The following VIPR2 variants were observed in gnomAD, a reference collection of about 807,000 sequenced individuals.
The protein encoded by VIPR2 is vasoactive intestinal peptide receptor 2.
VIPR2 carries 48 observed loss-of-function variants against 58.0 expected under a neutral mutation model. The observed-to-expected ratio is 0.83, with a 90% CI of 0.66 to 1.05. The LOEUF (loss-of-function observed/expected upper bound fraction) is 1.05. Ranked by LOEUF, VIPR2 falls within the 50% of genes least tolerant of loss-of-function variation. The pLI is 0.00. For synonymous variants in VIPR2, 243 were observed against 235.2 expected, an observed-to-expected ratio of 1.03 and a Z score of -0.30; for missense variants, 534 against 558.0, an observed-to-expected ratio of 0.96 and a Z score of 0.43.
In VIPR2 at chr7:159,097,068, C is replaced by G; in HGVS notation, c.357+6689G>C. 6.5e-7 allele frequency: 1 copy of G among 1,544,386 alleles called. No individual in the cohort carries two copies. Among genetic ancestry groups the G allele is most frequent in the African/African-American group, 1.4e-5 (1 of 73,048 alleles). On this transcript the variant is annotated intron_variant, in intron 4 of 12. Transcript: ENST00000262178. The surrounding 1 kb of genome is among the most constrained non-coding windows in gnomAD (Gnocchi z 5.3). Reference sequence around the variant, plus strand: ...TCTCTGGCAGGCTCCTCCTGGCACCCTGGGAGGCTGGTGTGTCCTTGCAGG... The same window carrying G: ...TCTCTGGCAGGCTCCTCCTGGCACCGTGGGAGGCTGGTGTGTCCTTGCAGG...
chr7:159,124,705 A>G (rs903779833), intron 2 of VIPR2, among the ~76,000 whole-genome samples: 3 of 152,214 alleles, frequency 2.0e-5, no homozygotes, highest in Admixed American at 6.5e-5. Flanking sequence ...TTTGATAGGA[A>G]TAGCATTGAA....
intron 4 of VIPR2, among the ~76,000 whole-genome samples, chr7:159,063,742 C>A (rs796811310): frequency 4.8e-5 from 2 of 41,276 alleles, no homozygotes; most frequent in African/African-American, 9.2e-5. Flanking sequence ...GAGGGCCTGG[C>A]GGGATCTGGG....
At position 159,096,713 on chromosome 7, in the gene VIPR2, C is replaced by T. The variant is rs1490910035; in HGVS notation, c.357+7044G>A. On this transcript the variant is annotated intron_variant, in intron 4 of 12. Coordinates refer to ENST00000262178, the MANE Select transcript of VIPR2 (RefSeq NM_003382.5). The surrounding 1 kb of genome is among the most constrained non-coding windows in gnomAD (Gnocchi z 5.5). Reference sequence around the variant, plus strand: ...AAACAGCAGAAAAGTGCTCATAATCCTGTCTGGTTGTGCCAGGTGACAGCT... The same window carrying T: ...AAACAGCAGAAAAGTGCTCATAATCTTGTCTGGTTGTGCCAGGTGACAGCT... 2.4e-5 allele frequency: 33 copies of T among 1,350,962 alleles called. No individual in the cohort carries two copies. The highest frequency in any genetic ancestry group is 5.4e-4 in the Middle Eastern group (2 of 3,678). 83.7% of individuals were successfully genotyped at this position (1,350,962 alleles called of 1,614,324 possible).
At chr7:159,036,609 T>C in intron 7 of VIPR2, 143 bp downstream of exon 7, 5 of 1,089,356 alleles carry the variant, frequency 4.6e-6, no homozygotes, top group Non-Finnish European at 6.4e-6. Flanking sequence ...GAGCCTCCAG[T>C]CATCCTGGAA....
At chr7:159,049,420 G>A (rs1471942507) in intron 5 of VIPR2, among the ~76,000 whole-genome samples, 1 of 152,186 alleles carries the variant, frequency 6.6e-6, no homozygotes, top group African/African-American at 2.4e-5. Flanking sequence ...GCACTGTGGG[G>A]AGCGCCTGGG....
At chr7:159,088,835 A>C (rs1857325851) in intron 4 of VIPR2, among the ~76,000 whole-genome samples, 3 of 145,632 alleles carry the variant, frequency 2.1e-5, no homozygotes, top group Non-Finnish European at 4.6e-5. Context: ...CATCTGGGGA[A>C]TGGGAATAGC....
rs545493259 is a variant in VIPR2 at position 159,097,032 on chromosome 7, C to T, written c.357+6725G>A. The T allele has an allele frequency of 2.1e-5, 32 of 1,550,074 alleles. No homozygotes were observed. Among genetic ancestry groups the T allele is most frequent in the East Asian group, 1.2e-4 (5 of 40,916 alleles). ...CTCTCAGAGGTGATTTGGGGCAGGC[C>T]GCTCTGGGGGTCTCTGGCAGGCTCC... is the stretch of plus-strand genomic sequence containing the variant. On this transcript the variant is annotated intron_variant, in intron 4 of 12. Transcript: ENST00000262178. The surrounding 1 kb of genome is among the most constrained non-coding windows in gnomAD (Gnocchi z 5.3).
intron 1 of VIPR2, chr7:159,144,385 G>C (rs1417734172): frequency 6.5e-7 from 1 of 1,543,664 alleles, no homozygotes; most frequent in Admixed American, 2.0e-5. Flanking sequence ...GCAGGCGCCC[G>C]CAGCTCCCAG....
intron 2 of VIPR2, among the ~76,000 whole-genome samples, chr7:159,120,869 G>T (rs1796428441): frequency 6.6e-6 from 1 of 152,118 alleles, no homozygotes; most frequent in South Asian, 2.1e-4. Context: ...CTAGTCTAAG[G>T]TATGATTTGG....
In VIPR2 at chr7:159,098,413, C is replaced by T. The variant is rs1225674524; in HGVS notation, c.357+5344G>A. Reference sequence around the variant, plus strand: ...ATGAAACCCTTTACTCAGTGAAGACCTAAGACTCCCCCAGGCCTGAAAGCT... The same window carrying T: ...ATGAAACCCTTTACTCAGTGAAGACTTAAGACTCCCCCAGGCCTGAAAGCT... On this transcript the variant is annotated intron_variant, in intron 4 of 12. Transcript: ENST00000262178. This position sits in a 1 kb window ranked among gnomAD's most constrained non-coding sequence, Gnocchi z 5.2. Among the ~76,000 whole-genome samples the T allele has an allele frequency of 6.6e-6, 1 of 152,184 alleles. No individual in the cohort carries two copies. The highest frequency in any genetic ancestry group is 6.5e-5 in the Admixed American group (1 of 15,288).
chr7:159,098,632 G>A lies in VIPR2; in HGVS notation c.357+5125C>T, dbSNP rs987207873. Among the ~76,000 whole-genome samples the A allele has an allele frequency of 1.3e-5, 2 of 152,160 alleles. No individual in the cohort carries two copies. Among genetic ancestry groups the A allele is most frequent in the African/African-American group, 4.8e-5 (2 of 41,442 alleles). ...CAGCTGCTCAGCAGTGCCCAGGGCTGCCCTAGAGCCCTCTGGTCCGCAGAG... is the reference window on the plus strand; with the variant it reads ...CAGCTGCTCAGCAGTGCCCAGGGCTACCCTAGAGCCCTCTGGTCCGCAGAG... On this transcript the variant is annotated intron_variant, in intron 4 of 12. Coordinates refer to ENST00000262178, the MANE Select transcript of VIPR2 (RefSeq NM_003382.5). This position sits in a 1 kb window ranked among gnomAD's most constrained non-coding sequence, Gnocchi z 5.2.
intron 4 of VIPR2, among the ~76,000 whole-genome samples, chr7:159,064,935 C>T (rs1019867274): frequency 2.6e-5 from 4 of 152,294 alleles, no homozygotes; most frequent in Admixed American, 2.0e-4. Context: ...ATGTTCCCCA[C>T]GTAGACTCTG....
intron 5 of VIPR2, among the ~76,000 whole-genome samples, chr7:159,056,622 GAAGT>G (rs1476889177): frequency 6.6e-5 from 10 of 152,286 alleles, no homozygotes; most frequent in South Asian, 2.1e-4. Context: ...TGTGTTCTAA[GAAGT>G]AAGTAGCTCC....
chr7:159,036,943 C>T, intron 6 of VIPR2, 41 bp from the exon 7 acceptor site: 1 of 1,585,780 alleles, frequency 6.3e-7, no homozygotes, highest in Non-Finnish European at 8.6e-7. Flanking sequence ...ATGACCTCAT[C>T]CGGTAACAGC....
chr7:159,107,324 G>C (rs1300418450), intron 3 of VIPR2, among the ~76,000 whole-genome samples: 1 of 152,204 alleles, frequency 6.6e-6, no homozygotes, highest in African/African-American at 2.4e-5. Flanking sequence ...TCAGCACACA[G>C]CTGTCGGAGC....
Position 159,031,699 on chromosome 7 carries a change from G to A in VIPR2, c.1143+129C>T, listed in dbSNP as rs1853595680. ...GGTTCTCTGATGGGGACACAGAACT[G>A]TGGGGTCCCGGGCAGTAACTCGAGC... On this transcript the variant is annotated intron_variant, in intron 12 of 12. Coordinates refer to ENST00000262178, the MANE Select transcript of VIPR2 (RefSeq NM_003382.5). This position sits in a 1 kb window ranked among gnomAD's most constrained non-coding sequence, Gnocchi z 4.0. 3.9e-6 allele frequency: 6 copies of A among 1,548,376 alleles called. No individual in the cohort carries two copies. The highest frequency in any genetic ancestry group is 5.2e-6 in the Non-Finnish European group (6 of 1,153,360).
Position 159,031,629 on chromosome 7 carries a change from T to C in VIPR2, c.1143+199A>G. 1.0e-6 allele frequency: 1 copy of C among 983,520 alleles called. No individual in the cohort carries two copies. The highest frequency in any genetic ancestry group is 1.8e-5 in the African/African-American group (1 of 56,680). 60.9% of individuals were successfully genotyped at this position (983,520 alleles called of 1,614,324 possible). A position where few individuals can be genotyped will look rare whatever the true frequency, so the allele number is the denominator to read the frequency against. On this transcript the variant is annotated intron_variant, in intron 12 of 12. Coordinates refer to ENST00000262178, the MANE Select transcript of VIPR2 (RefSeq NM_003382.5). The surrounding 1 kb of genome is among the most constrained non-coding windows in gnomAD (Gnocchi z 4.0). ...TAGGGTGGACGGAAGGACGGCGGGG[T>C]TTGGAAGCTGGGCCCAGAAGAGTGG... is the stretch of plus-strand genomic sequence containing the variant.
chr7:159,139,919 G>A (rs1158889937), intron 2 of VIPR2, among the ~76,000 whole-genome samples: 2 of 152,252 alleles, frequency 1.3e-5, no homozygotes, highest in African/African-American at 2.4e-5. Context: ...CTCTGAGGCC[G>A]GGAGTGCCTC....
In VIPR2 at chr7:159,030,689, G is replaced by C. The variant is rs1057127242; in HGVS notation, c.1244C>G (p.Ser415Trp). 13 of 1,578,680 alleles carry C rather than the reference G, an allele frequency of 8.2e-6. No individual in the cohort carries two copies. The highest frequency in any genetic ancestry group is 1.1e-5 in the Non-Finnish European group (13 of 1,163,682). Reference sequence around the variant, plus strand: ...GCGGTGGAACTGCAGGGCGCCCTCCGAGCCGTTGCGGGAGAAGGAGGAACC... The same window carrying C: ...GCGGTGGAACTGCAGGGCGCCCTCCCAGCCGTTGCGGGAGAAGGAGGAACC... ...VCGSSFSRNGSEGALQFHRGS... is the reference protein window; with the variant it reads ...VCGSSFSRNGWEGALQFHRGS... Residue 415 changes from serine (S) to tryptophan (W), a missense_variant, in exon 13 of 13, where the codon TCG becomes TGG. By Grantham distance (177) the Ser-to-Trp change is radical. Coordinates refer to ENST00000262178, the MANE Select transcript of VIPR2 (RefSeq NM_003382.5).
Sources: allele counts gnomAD v4.1 joint callset (sites outside exome capture counted in the v4.1 genomes callset), GRCh38; gene constraint gnomAD v4.1.1; non-coding constraint Gnocchi (gnomAD v3.1); transcripts MANE v1.5; gene names NCBI Gene and HGNC (gene_info 2026-07-23, HGNC 2026-07-21).